The following ANO3 variants were observed in gnomAD, a reference collection of about 807,000 sequenced individuals.
ANO3 encodes the protein anoctamin-3.
In ANO3, 99 loss-of-function variants were observed where a neutral mutation model predicts 144.8. That is an observed-to-expected ratio of 0.68 (90% CI 0.58 to 0.81). ANO3 has a LOEUF of 0.81. Among genes scored for constraint, ANO3 ranks in the 30% least tolerant of loss-of-function variants. ANO3 has a pLI of 0.00. For synonymous variants in ANO3, 414 were observed against 392.6 expected (o/e 1.05, Z -0.64); for missense variants, 905 against 1,202.2 (o/e 0.75, Z 3.66).
chr11:26,365,544 G>T (rs1856044929), intron 1 of ANO3, among the ~76,000 whole-genome samples: 1 of 152,212 alleles, frequency 6.6e-6, no homozygotes, highest in Non-Finnish European at 1.5e-5. Flanking sequence ...TAAAATCCAA[G>T]TGGAGGATGC....
rs375185838 is a variant in ANO3 at position 26,647,777 on chromosome 11, A to G, written c.2497A>G (p.Ile833Val). The change falls in exon 24 of 27, where the codon ATT becomes GTT. Residue 833 changes from isoleucine (I) to valine (V), a missense_variant. Coordinates refer to ENST00000256737, the MANE Select transcript of ANO3 (RefSeq NM_031418.4). Reference sequence around the variant, plus strand: ...GATCACCAATGCATTTGTAATTGCTATTACTTCTGATTACATCCCACGTTT... The same window carrying G: ...GATCACCAATGCATTTGTAATTGCTGTTACTTCTGATTACATCCCACGTTT... ...AVITNAFVIA[I>V]TSDYIPRFVY... 9.3e-6 allele frequency: 15 copies of G among 1,613,168 alleles called. No individual in the cohort carries two copies. Among genetic ancestry groups the G allele is most frequent in the Middle Eastern group, 3.3e-4 (2 of 6,080 alleles).
At chr11:26,346,327 G>A (rs1340470416) in intron 1 of ANO3, among the ~76,000 whole-genome samples, 1 of 152,116 alleles carries the variant, frequency 6.6e-6, no homozygotes, top group Non-Finnish European at 1.5e-5. Flanking sequence ...GGAGATTATA[G>A]GGCCTTATGA....
At chr11:26,285,097 ATT>A (rs60725629) in intron 1 of ANO3, among the ~76,000 whole-genome samples, 1 of 149,352 alleles carries the variant, frequency 6.7e-6, no homozygotes, top group Non-Finnish European at 1.5e-5. Context: ...ACTGTGTACA[ATT>A]TTTTTTTTTA....
chr11:26,531,170 A>G (rs1192397906), intron 7 of ANO3, 35 bp from the exon 8 acceptor site: 3 of 1,612,050 alleles, frequency 1.9e-6, no homozygotes, highest in African/African-American at 2.7e-5. Flanking sequence ...TTGGAATACA[A>G]CCTAATCTAG....
intron 24 of ANO3, among the ~76,000 whole-genome samples, chr11:26,655,242 C>T (rs1853650267): frequency 6.6e-6 from 1 of 152,136 alleles, no homozygotes; most frequent in South Asian, 2.1e-4. Context: ...TCACATCAGC[C>T]CCATGCAATT....
intron 1 of ANO3, among the ~76,000 whole-genome samples, chr11:26,379,798 G>A (rs1350152823): frequency 6.6e-6 from 1 of 151,900 alleles, no homozygotes; most frequent in East Asian, 1.9e-4. Context: ...TTCAAAAAAA[G>A]AATGGTGAAA....
In ANO3 at chr11:26,479,367, G is replaced by A. The variant is rs866245040; in HGVS notation, c.432+16219G>A. 2.8e-4 allele frequency among the ~76,000 whole-genome samples: 42 copies of A among 152,270 alleles called. No individual in the cohort carries two copies. In the Middle Eastern group the frequency reaches 0.014, roughly 49 times the overall value. ...ATTCGATGTGTGTCTGTAATAGTCT[G>A]CTCTCACGCTGCTAATAAAGACATA... On this transcript the variant is annotated intron_variant, in intron 4 of 26. Coordinates refer to ENST00000256737, the MANE Select transcript of ANO3 (RefSeq NM_031418.4).
At chr11:26,446,463 G>A (rs1298908089) in intron 3 of ANO3, among the ~76,000 whole-genome samples, 1 of 152,172 alleles carries the variant, frequency 6.6e-6, no homozygotes, top group African/African-American at 2.4e-5. Context: ...TTAACTGCAT[G>A]TGGTCAGTGT....
chr11:26,562,288 T>C (rs181468136), intron 14 of ANO3, among the ~76,000 whole-genome samples: 1 of 152,114 alleles, frequency 6.6e-6, no homozygotes, highest in East Asian at 1.9e-4. Context: ...GATTTGGTTC[T>C]GAATATGAGA....
intron 4 of ANO3, among the ~76,000 whole-genome samples, chr11:26,473,072 A>G (rs1001967606): frequency 2.6e-5 from 4 of 152,002 alleles, no homozygotes; most frequent in Admixed American, 6.6e-5. Flanking sequence ...TTAAACCTAC[A>G]TATTAGAGTA....
At chr11:26,564,933 C>T (rs944406542) in intron 14 of ANO3, among the ~76,000 whole-genome samples, 1 of 150,302 alleles carries the variant, frequency 6.7e-6, no homozygotes, top group East Asian at 2.0e-4. Context: ...ACATTTTGTC[C>T]CATTGTCTCC....
In ANO3 at chr11:26,482,419, CAG is replaced by C. The variant is rs1565051943; in HGVS notation, c.432+19273_432+19274del. 6.1e-5 allele frequency among the ~76,000 whole-genome samples: 8 copies of C among 130,690 alleles called. No homozygotes were observed. In the East Asian group the frequency reaches 9.4e-4, roughly 15 times the overall value. 85.7% of individuals were successfully genotyped at this position (130,690 alleles called of 152,430 possible). On this transcript the variant is annotated intron_variant, in intron 4 of 26. Coordinates refer to ENST00000256737, the MANE Select transcript of ANO3 (RefSeq NM_031418.4). ...TTTCCATTTTGCAGTAATTTGAACA[CAG>C]ATATATGTGTGTGTGTGTGTGTGTG...
Position 26,406,998 on chromosome 11 carries a change from A to G in ANO3, c.47-34920A>G, listed in dbSNP as rs28687699. ...TATATATATATATTTATAGGTGTGT[A>G]TATATATAGGTGTGTATATATATAT... On this transcript the variant is annotated intron_variant, in intron 1 of 26. Coordinates refer to ENST00000256737, the MANE Select transcript of ANO3 (RefSeq NM_031418.4). Among the ~76,000 whole-genome samples, 7 of 143,690 alleles carry G rather than the reference A, an allele frequency of 4.9e-5. No homozygotes were observed. The South Asian group carries it at 8.8e-4, about 18-fold the overall frequency. The allele number at this position is 143,690 out of a possible 152,430, so 94.3% of individuals were successfully genotyped here. A position where few individuals can be genotyped will look rare whatever the true frequency, so the allele number is the denominator to read the frequency against.
chr11:26,612,134 C>T (rs111354499), intron 17 of ANO3, among the ~76,000 whole-genome samples: 373 of 152,134 alleles, frequency 2.5e-3, no homozygotes, highest in African/African-American at 8.5e-3. Context: ...GGACTTACTC[C>T]TGACATTTAG....
rs1258749015 is a variant in ANO3, at chr11:26,663,142, T to A, written c.*2698T>A. On this transcript the variant is annotated 3_prime_UTR_variant, in exon 27 of 27. Coordinates refer to ENST00000256737, the MANE Select transcript of ANO3 (RefSeq NM_031418.4). ...AATTGTCTGAGTCTGTGCACGTACT[T>A]TTAGATAAAATGCTGCTGAGTGACT... The A allele has an allele frequency of 6.6e-6, 1 of 152,092 alleles. No homozygotes were observed. Among genetic ancestry groups the A allele is most frequent in the Non-Finnish European group, 1.5e-5 (1 of 67,958 alleles). 9.4% of individuals were successfully genotyped at this position (152,092 alleles called of 1,614,324 possible).
intron 1 of ANO3, among the ~76,000 whole-genome samples, chr11:26,234,493 A>C (rs1015218517): frequency 2.6e-5 from 4 of 152,356 alleles, no homozygotes; most frequent in African/African-American, 7.2e-5. Flanking sequence ...AAAATCTTAG[A>C]GACCAAATTA....
intron 3 of ANO3, among the ~76,000 whole-genome samples, chr11:26,461,615 CA>C (rs1859397862): frequency 6.6e-6 from 1 of 152,004 alleles, no homozygotes. Flanking sequence ...TCTTGCATAT[CA>C]GGGTTGTTTA....
intron 1 of ANO3, among the ~76,000 whole-genome samples, chr11:26,369,016 TC>T (rs1018150450): frequency 2.6e-5 from 4 of 152,010 alleles, no homozygotes; most frequent in Non-Finnish European, 5.9e-5. Flanking sequence ...GCAATTTCAT[TC>T]CCCCCCAGCA....
intron 1 of ANO3, among the ~76,000 whole-genome samples, chr11:26,385,738 G>C (rs12283840): frequency 0.26 from 40,067 of 151,284 alleles, 5,965 homozygotes; most frequent in African/African-American, 0.4. Flanking sequence ...ATTAGGATGT[G>C]CACATACTTG....
Sources: allele counts gnomAD v4.1 joint callset (sites outside exome capture counted in the v4.1 genomes callset), GRCh38; gene constraint gnomAD v4.1.1; transcripts MANE v1.5; gene names NCBI Gene and HGNC (gene_info 2026-07-23, HGNC 2026-07-21).